RBPMS: variants seen among roughly 807,000 people sequenced by gnomAD.
RBPMS encodes the protein RNA-binding protein with multiple splicing.
RBPMS carries 7 observed loss-of-function variants against 26.8 expected under a neutral mutation model. That is an observed-to-expected ratio of 0.26 (90% CI 0.15 to 0.49). The LOEUF is 0.49. Among genes scored for constraint, RBPMS ranks in the 20% least tolerant of loss-of-function variants. The pLI is 0.98. For synonymous variants in RBPMS, 96 were observed against 93.3 expected (o/e 1.03, Z -0.17); for missense variants, 186 against 250.0 (o/e 0.74, Z 1.73).
intron 1 of RBPMS, among the ~76,000 whole-genome samples, chr8:30,434,996 ACATCCATCCATCCATC>A (rs113850134): frequency 2.9e-4 from 43 of 150,506 alleles, no homozygotes; most frequent in South Asian, 1.3e-3. Context: ...TCCAAAGAAG[ACATCCATCCATCCATC>A]CATCCATCCA....
chr8:30,472,378 C>A (rs1817216975), intron 1 of RBPMS, among the ~76,000 whole-genome samples: 2 of 152,150 alleles, frequency 1.3e-5, no homozygotes, highest in Non-Finnish European at 2.9e-5. Flanking sequence ...ATAAAGAGAT[C>A]AGAGCAGTGA....
At chr8:30,548,852 A>G (rs1826066008) in intron 6 of RBPMS, among the ~76,000 whole-genome samples, 1 of 152,272 alleles carries the variant, frequency 6.6e-6, no homozygotes. Flanking sequence ...AATCGTATTA[A>G]GCATCTGCAT....
intron 4 of RBPMS, among the ~76,000 whole-genome samples, chr8:30,496,886 G>C (rs763080922): frequency 1.3e-5 from 2 of 152,158 alleles, no homozygotes; most frequent in African/African-American, 4.8e-5. Flanking sequence ...CCAACTGAGC[G>C]TAACAATTGT....
intron 1 of RBPMS, among the ~76,000 whole-genome samples, chr8:30,455,707 G>A (rs1030869431): frequency 6.6e-6 from 1 of 152,102 alleles, no homozygotes; most frequent in African/African-American, 2.4e-5. Context: ...GGCTAACATG[G>A]TGAAACCCCA....
At chr8:30,565,634 G>C (rs1428569297) in intron 7 of RBPMS, 3 of 152,228 alleles carry the variant, frequency 2.0e-5, no homozygotes, top group African/African-American at 7.2e-5. Flanking sequence ...AAAATTCTCA[G>C]ACCCTAGGGT....
intron 1 of RBPMS, among the ~76,000 whole-genome samples, chr8:30,454,461 G>A (rs545163442): frequency 2.0e-5 from 3 of 152,184 alleles, no homozygotes; most frequent in Non-Finnish European, 4.4e-5. Context: ...GATTTGCCAT[G>A]TCTTACTCTG....
In RBPMS at chr8:30,561,918, A is replaced by T. The variant is rs1039044922; in HGVS notation, c.*7+2962A>T. ...GGTTTCATTTGTATCTGCTCACCTA[A>T]TTTTTTTCCAAATCATTTCTCACAG... On this transcript the variant is annotated intron_variant, in intron 7 of 8. Transcript: ENST00000397323. The T allele has an allele frequency of 6.1e-6, 6 of 985,100 alleles. No individual in the cohort carries two copies. The African/African-American group carries it at 1.0e-4, about 17-fold the overall frequency. 61.0% of individuals were successfully genotyped at this position (985,100 alleles called of 1,614,324 possible). A position where few individuals can be genotyped will look rare whatever the true frequency, so the allele number is the denominator to read the frequency against.
intron 2 of RBPMS, 64 bp downstream of exon 2, chr8:30,474,920 T>C: frequency 2.0e-6 from 2 of 1,025,580 alleles, no homozygotes; most frequent in Non-Finnish European, 1.5e-6. Context: ...TTCTGGGAGC[T>C]TTTTGAAGCA....
At chr8:30,486,321 CAG>C (rs1300759797) in intron 4 of RBPMS, among the ~76,000 whole-genome samples, 1 of 150,816 alleles carries the variant, frequency 6.6e-6, no homozygotes, top group East Asian at 1.9e-4. Context: ...GCCTGGATGA[CAG>C]AGCGAGACTC....
intron 5 of RBPMS, among the ~76,000 whole-genome samples, chr8:30,525,603 G>A (rs1359964239): frequency 1.3e-5 from 2 of 152,170 alleles, no homozygotes; most frequent in African/African-American, 2.4e-5. Context: ...AGAACCATAA[G>A]AACATTTTTT....
At chr8:30,558,028 C>A (rs1827111633) in intron 6 of RBPMS, among the ~76,000 whole-genome samples, 1 of 152,178 alleles carries the variant, frequency 6.6e-6, no homozygotes, top group South Asian at 2.1e-4. Context: ...CCACGCCCAG[C>A]TAATTTTGTA....
chr8:30,519,650 A>G (rs1456934972), intron 5 of RBPMS, among the ~76,000 whole-genome samples: 1 of 151,760 alleles, frequency 6.6e-6, no homozygotes, highest in Non-Finnish European at 1.5e-5. Context: ...CGCCCGGCTA[A>G]TATTTTTATT....
chr8:30,418,605 G>C lies in RBPMS; in HGVS notation c.66+33447G>C, dbSNP rs534420103. Among the ~76,000 whole-genome samples, 13 of 152,066 alleles carry C rather than the reference G, an allele frequency of 8.5e-5. No homozygotes were observed. The South Asian group carries it at 2.7e-3, about 32-fold the overall frequency. On this transcript the variant is annotated intron_variant, in intron 1 of 8. Transcript: ENST00000397323. ...TATTATTATTATTTTTCGAGGCAGG[G>C]TCTCACTCTGTCACCCAGGCTGGAG...
chr8:30,515,499 TTACA>T (rs1210817519), intron 5 of RBPMS, among the ~76,000 whole-genome samples: 1 of 152,204 alleles, frequency 6.6e-6, no homozygotes, highest in Non-Finnish European at 1.5e-5. Flanking sequence ...ATACAATATG[TTACA>T]ATAGATTTAA....
At chr8:30,439,792 T>C (rs1337408571) in intron 1 of RBPMS, among the ~76,000 whole-genome samples, 1 of 152,106 alleles carries the variant, frequency 6.6e-6, no homozygotes, top group East Asian at 1.9e-4. Flanking sequence ...GGTATGAATA[T>C]AGACATGTAC....
At chr8:30,559,663 GGA>G (rs1293215076) in intron 7 of RBPMS, among the ~76,000 whole-genome samples, 5 of 152,188 alleles carry the variant, frequency 3.3e-5, no homozygotes, top group African/African-American at 7.2e-5. Context: ...ATGTGAATTT[GGA>G]GAGTCTACTT....
At chr8:30,487,467 A>G (rs1219230787) in intron 4 of RBPMS, among the ~76,000 whole-genome samples, 1 of 152,214 alleles carries the variant, frequency 6.6e-6, no homozygotes, top group Non-Finnish European at 1.5e-5. Context: ...GTGTTTTGAT[A>G]GAGACTAGTT....
rs571472266 is a variant in RBPMS at position 30,392,131 on chromosome 8, G to A, written c.66+6973G>A. 1.1e-4 allele frequency among the ~76,000 whole-genome samples: 16 copies of A among 152,096 alleles called. No homozygotes were observed. In the East Asian group the frequency reaches 3.1e-3, roughly 29 times the overall value. ...TGTATGAACAAACAGGTATAACCACGCCCGAGGTTAAAGTAGAGGTAGTTG... is the reference window on the plus strand; with the variant it reads ...TGTATGAACAAACAGGTATAACCACACCCGAGGTTAAAGTAGAGGTAGTTG... On this transcript the variant is annotated intron_variant, in intron 1 of 8. Coordinates refer to ENST00000397323, the MANE Select transcript of RBPMS (RefSeq NM_001008710.3).
chr8:30,445,802 G>C (rs62502004), intron 1 of RBPMS, among the ~76,000 whole-genome samples: 6,314 of 151,704 alleles, frequency 0.042, 190 homozygotes, highest in Non-Finnish European at 0.067. Flanking sequence ...CCTGAGTAGC[G>C]TGTAGTACAG....
Sources: gnomAD v4.1 joint callset for allele counts (sites outside exome capture counted in the v4.1 genomes callset) on GRCh38, gnomAD v4.1.1 for gene constraint, MANE v1.5 for transcripts, NCBI Gene and HGNC (gene_info 2026-07-23, HGNC 2026-07-21) for gene names.